KLHL29: variants seen among roughly 807,000 people sequenced by gnomAD.
KLHL29 encodes kelch like family member 29.
Under a neutral mutation model 80.4 loss-of-function variants are expected in KLHL29, and 21 were observed. That is an observed-to-expected ratio of 0.26 (90% CI 0.19 to 0.38). The LOEUF is 0.38. KLHL29 is among the 10% of genes least tolerant of loss of function. The pLI is 1.00. For synonymous variants in KLHL29, 511 were observed against 526.8 expected, an observed-to-expected ratio of 0.97 and a Z score of 0.41; for missense variants, 867 against 1,223.9, an observed-to-expected ratio of 0.71 and a Z score of 4.35.
At chr2:23,525,731 C>G (rs113154158) in intron 2 of KLHL29, among the ~76,000 whole-genome samples, 1 of 68,132 alleles carries the variant, frequency 1.5e-5, no homozygotes, top group South Asian at 5.7e-4. Context: ...CCCCTGCCCC[C>G]CCCCCCCACC....
At chr2:23,389,522 CT>C (rs35480489) in intron 1 of KLHL29, among the ~76,000 whole-genome samples, 33,870 of 151,992 alleles carry the variant, frequency 0.22, 4,650 homozygotes, top group Non-Finnish European at 0.31. Flanking sequence ...GAAATCCAGC[CT>C]TTAGTTGTGC....
chr2:23,455,605 ATTT>A (rs397873479), intron 1 of KLHL29, among the ~76,000 whole-genome samples: 151 of 105,976 alleles, frequency 1.4e-3, no homozygotes, highest in East Asian at 5.6e-3. Flanking sequence ...TGGTCTCCTG[ATTT>A]TTTTTTTTTT....
At chr2:23,456,540 C>T (rs986149446) in intron 1 of KLHL29, among the ~76,000 whole-genome samples, 3 of 152,238 alleles carry the variant, frequency 2.0e-5, no homozygotes, top group African/African-American at 7.2e-5. Flanking sequence ...TCTAGTAAGG[C>T]CACGTGATGC....
chr2:23,533,538 G>T (rs1666566309), intron 2 of KLHL29, among the ~76,000 whole-genome samples: 1 of 152,162 alleles, frequency 6.6e-6, no homozygotes. Context: ...GCTCTGTGCA[G>T]CCTCTGGGGA....
chr2:23,699,013 T>A (rs1440531057), intron 11 of KLHL29, among the ~76,000 whole-genome samples: 1 of 152,262 alleles, frequency 6.6e-6, no homozygotes, highest in Non-Finnish European at 1.5e-5. Flanking sequence ...CTTCTGACAC[T>A]GTCCAAAAAG....
chr2:23,689,299 A>C (rs1206610553), intron 6 of KLHL29: 1 of 152,196 alleles, frequency 6.6e-6, no homozygotes, highest in Non-Finnish European at 1.5e-5. Flanking sequence ...CTCAGTCTAG[A>C]CAGCACCTGC....
intron 5 of KLHL29, among the ~76,000 whole-genome samples, chr2:23,645,205 G>A (rs1210182580): frequency 2.0e-5 from 3 of 152,116 alleles, no homozygotes; most frequent in Non-Finnish European, 2.9e-5. Context: ...CAGATCTAAT[G>A]TCAAACAACT....
intron 2 of KLHL29, among the ~76,000 whole-genome samples, chr2:23,498,057 A>T (rs1469606383): frequency 6.6e-6 from 1 of 152,218 alleles, no homozygotes; most frequent in Admixed American, 6.5e-5. Flanking sequence ...GACTTAACAT[A>T]TCCATCATCT....
rs566762843 is a variant in KLHL29 at position 23,525,289 on chromosome 2, C to G, written c.-45-36863C>G. On this transcript the variant is annotated intron_variant, in intron 2 of 13. Coordinates refer to ENST00000486442, the MANE Select transcript of KLHL29 (RefSeq NM_052920.2). The stretch of plus-strand genomic sequence containing the variant: ...TCCTTGCCCACTGCCTGTCCCTGAG[C>G]CTGCGGGACTGGGAGGGCAGAGGAC... Among the ~76,000 whole-genome samples the G allele has an allele frequency of 4.6e-5, 7 of 152,358 alleles. No individual in the cohort carries two copies. The East Asian group carries it at 1.3e-3, about 29-fold the overall frequency.
chr2:23,489,737 G>A (rs1665041077), intron 2 of KLHL29, among the ~76,000 whole-genome samples: 1 of 151,856 alleles, frequency 6.6e-6, no homozygotes, highest in Non-Finnish European at 1.5e-5. Context: ...CAACAGCTGG[G>A]GAGAGGGGCA....
intron 1 of KLHL29, among the ~76,000 whole-genome samples, chr2:23,435,117 G>C (rs1051281224): frequency 1.3e-5 from 2 of 152,176 alleles, no homozygotes; most frequent in Admixed American, 1.3e-4. Flanking sequence ...AATTCACTGG[G>C]GAAAGCACCT....
At chr2:23,676,698 C>T (rs1394984431) in intron 5 of KLHL29, among the ~76,000 whole-genome samples, 1 of 152,126 alleles carries the variant, frequency 6.6e-6, no homozygotes. Context: ...TAGGAGAAAC[C>T]CTGGCCAAAG....
chr2:23,643,893 G>A (rs1410769705), intron 5 of KLHL29: 2 of 152,170 alleles, frequency 1.3e-5, no homozygotes, highest in Non-Finnish European at 2.9e-5. Context: ...TGCATCTCTG[G>A]GCACAACTTC....
intron 1 of KLHL29, among the ~76,000 whole-genome samples, chr2:23,418,568 C>T (rs1001499513): frequency 2.0e-5 from 3 of 152,208 alleles, no homozygotes; most frequent in East Asian, 1.9e-4. Flanking sequence ...TTCTCCTCCA[C>T]GGACTGTTGC....
At chr2:23,564,248 G>A (rs1281498308) in intron 3 of KLHL29, among the ~76,000 whole-genome samples, 1 of 152,246 alleles carries the variant, frequency 6.6e-6, no homozygotes, top group Non-Finnish European at 1.5e-5. Context: ...CAGAGCTCCC[G>A]CTTTGCTCCA....
chr2:23,426,117 A>T (rs1467317256), intron 1 of KLHL29, among the ~76,000 whole-genome samples: 1 of 151,996 alleles, frequency 6.6e-6, no homozygotes, highest in African/African-American at 2.4e-5. Context: ...GGCTCTTGGG[A>T]GGGACAACTG....
At position 23,669,795 on chromosome 2, in the gene KLHL29, G is replaced by C. The variant is rs1184870459; in HGVS notation, c.941-14604G>C. Among the ~76,000 whole-genome samples, 1 of 152,184 alleles carries C rather than the reference G, an allele frequency of 6.6e-6. No homozygotes were observed. The highest frequency in any genetic ancestry group is 6.5e-5 in the Admixed American group (1 of 15,286). On this transcript the variant is annotated intron_variant, in intron 5 of 13. Transcript: ENST00000486442. The surrounding 1 kb of genome is among the most constrained non-coding windows in gnomAD (Gnocchi z 4.3). The stretch of plus-strand genomic sequence containing the variant: ...GGGCTGCAGCCGAGTACACAGGCCT[G>C]GCCCCGCCAGCGCAGGACAGCAACT...
chr2:23,582,316 C>T (rs1415799828), intron 3 of KLHL29, among the ~76,000 whole-genome samples: 2 of 152,202 alleles, frequency 1.3e-5, no homozygotes, highest in East Asian at 3.8e-4. Flanking sequence ...CTTAAAATCT[C>T]AGAAATAAAG....
rs145438882 is a variant in KLHL29 at position 23,562,948 on chromosome 2, G to A, written c.285+467G>A. 7.2e-5 allele frequency among the ~76,000 whole-genome samples: 11 copies of A among 152,296 alleles called. No homozygotes were observed. The highest frequency in any genetic ancestry group is 1.2e-4 in the African/African-American group (5 of 41,554). On this transcript the variant is annotated intron_variant, in intron 3 of 13. Transcript: ENST00000486442. The surrounding 1 kb of genome is among the most constrained non-coding windows in gnomAD (Gnocchi z 4.5). ...CACTGGGCCTCGTGTTCTCATATCC[G>A]TTGTCTCTTCTGAGCCTTGCCACAG...
Sources: allele counts gnomAD v4.1 joint callset (sites outside exome capture counted in the v4.1 genomes callset), GRCh38; gene constraint gnomAD v4.1.1; non-coding constraint Gnocchi (gnomAD v3.1); transcripts MANE v1.5; gene names NCBI Gene and HGNC (gene_info 2026-07-23, HGNC 2026-07-21).